ABR: variants seen among roughly 807,000 people sequenced by gnomAD.
ABR encodes active breakpoint cluster region-related protein.
In ABR, 35 loss-of-function variants were observed where a neutral mutation model predicts 107.2. The ratio of observed to expected loss-of-function variants is 0.33; its 90% CI spans 0.25 to 0.43. ABR has a LOEUF of 0.43. Ranked by LOEUF, ABR falls within the 20% of genes least tolerant of loss-of-function variation. The pLI, the probability that ABR is intolerant of heterozygous loss-of-function variation, is 1.00. For missense variants in ABR, 815 were observed against 1,115.2 expected (o/e 0.73, Z 3.83); for synonymous variants, 498 against 462.0 (o/e 1.08, Z -1.00).
upstream of ABR, among the ~76,000 whole-genome samples, chr17:1,180,916 CCAGGGGGGTCCAGGG>C (rs2042113379): frequency 6.6e-6 from 1 of 152,156 alleles, no homozygotes; most frequent in Non-Finnish European, 1.5e-5. Context: ...GGGAGTCAGG[CCAGGGGGGTCCAGGG>C]CAGTGGGGCT....
upstream of ABR, among the ~76,000 whole-genome samples, chr17:1,184,478 G>C (rs1230054542): frequency 2.0e-5 from 3 of 152,066 alleles, no homozygotes; most frequent in Non-Finnish European, 4.4e-5. Context: ...AAAAAACCAG[G>C]ACTGCATCTT....
intron 3 of ABR, among the ~76,000 whole-genome samples, chr17:1,097,342 G>C (rs2037536676): frequency 6.6e-6 from 1 of 152,150 alleles, no homozygotes; most frequent in Non-Finnish European, 1.5e-5. Flanking sequence ...TGTAATCCCA[G>C]CACTTTGGGA....
At position 1,012,713 on chromosome 17, in the gene ABR, C is replaced by A; in HGVS notation, c.1936G>T (p.Gly646Cys). The A allele has an allele frequency of 6.3e-7, 1 of 1,589,846 alleles. No individual in the cohort carries two copies. The highest frequency in any genetic ancestry group is 8.6e-7 in the Non-Finnish European group (1 of 1,167,034). ...TTCGTCACCACGCTGATCTTCACACCGAAGACGCCGGTCTGCTTTTTGGAC... is the reference window on the plus strand; with the variant it reads ...TTCGTCACCACGCTGATCTTCACACAGAAGACGCCGGTCTGCTTTTTGGAC... Reference protein sequence around the residue: ...TPSKKQTGVFGVKISVVTKRE... With the variant: ...TPSKKQTGVFCVKISVVTKRE... The change falls in exon 18 of 23, where the codon GGT becomes TGT. Residue 646 changes from glycine (G) to cysteine (C), a missense_variant. By Grantham distance (159) the Gly-to-Cys change is radical. This residue lies in a region of ABR where 175 missense variants were observed against 284.3 expected (regional missense o/e 0.62). Transcript: ENST00000302538.
rs1180976195 is a variant in ABR, at chr17:1,062,270, T to C, written c.1183-3403A>G. On this transcript the variant is annotated intron_variant, in intron 10 of 22. Transcript: ENST00000302538. Reference sequence around the variant, plus strand: ...GAACTGAGGGCTATGCATGTTCCTCTAGACACTGTTGTTATGTGAACTGAG... The same window carrying C: ...GAACTGAGGGCTATGCATGTTCCTCCAGACACTGTTGTTATGTGAACTGAG... 1.0e-2 allele frequency among the ~76,000 whole-genome samples: 1,322 copies of C among 132,772 alleles called. 1 individual carries two copies. Among genetic ancestry groups the C allele is most frequent in the South Asian group, 0.014 (55 of 4,012 alleles). The allele number at this position is 132,772 out of a possible 152,430, so 87.1% of individuals were successfully genotyped here.
intron 1 of ABR, among the ~76,000 whole-genome samples, chr17:1,170,009 G>T (rs8068519): frequency 0.72 from 92,658 of 128,854 alleles, 34,331 homozygotes; most frequent in Non-Finnish European, 0.83. Flanking sequence ...TGTGTGTGTG[G>T]GGGGGGGGTG....
At chr17:1,056,912 ATGTC>A in intron 13 of ABR, 82 bp downstream of exon 13, 7 of 875,706 alleles carry the variant, frequency 8.0e-6, no homozygotes, top group East Asian at 2.6e-5. Context: ...TTACAGCCAC[ATGTC>A]TGTCTGAGTC....
chr17:1,190,404 C>T (rs547398330), upstream of ABR, among the ~76,000 whole-genome samples: 7 of 152,258 alleles, frequency 4.6e-5, no homozygotes, highest in Admixed American at 1.3e-4. Flanking sequence ...GAGGCCGAGG[C>T]GGGTGGATCA....
chr17:1,044,326 G>A (rs1044968247), intron 16 of ABR, among the ~76,000 whole-genome samples: 14 of 152,186 alleles, frequency 9.2e-5, no homozygotes, highest in African/African-American at 2.7e-4. Context: ...CCTTCTCTCC[G>A]GAAAACAGGA....
At chr17:1,223,909 A>G (rs2043167447) in intron 1 of ABR, among the ~76,000 whole-genome samples, 1 of 152,098 alleles carries the variant, frequency 6.6e-6, no homozygotes, top group Non-Finnish European at 1.5e-5. Context: ...CCCTCCCTCG[A>G]CACGTGGGGA....
intron 16 of ABR, among the ~76,000 whole-genome samples, chr17:1,017,997 G>C (rs2071293924): frequency 6.6e-6 from 1 of 151,974 alleles, no homozygotes; most frequent in Admixed American, 6.6e-5. Context: ...GCCTCCTGAA[G>C]AGCTGGCATT....
chr17:1,048,723 G>T (rs894105658), intron 16 of ABR, among the ~76,000 whole-genome samples: 2 of 148,226 alleles, frequency 1.3e-5, no homozygotes, highest in South Asian at 4.3e-4. Flanking sequence ...GCCCAGCTGC[G>T]CCTGGATCAC....
chr17:1,182,743 G>A (rs528570083), upstream of ABR, among the ~76,000 whole-genome samples: 18 of 152,316 alleles, frequency 1.2e-4, no homozygotes, highest in Non-Finnish European at 2.4e-4. Flanking sequence ...AAGGTCCTGA[G>A]AAATCTCTGC....
chr17:1,065,623 C>T (rs965619465), intron 10 of ABR, among the ~76,000 whole-genome samples: 50 of 151,668 alleles, frequency 3.3e-4, no homozygotes, highest in African/African-American at 1.2e-3. Flanking sequence ...ACTTTGGCTG[C>T]ATCCATGGGT....
At chr17:1,062,444 G>GA (rs200341403) in intron 10 of ABR, among the ~76,000 whole-genome samples, 3 of 134,442 alleles carry the variant, frequency 2.2e-5, no homozygotes, top group Admixed American at 7.6e-5. Context: ...TGTTCCTCTA[G>GA]CACTGCTGTT....
upstream of ABR, among the ~76,000 whole-genome samples, chr17:1,187,515 C>T (rs976246394): frequency 2.0e-5 from 3 of 152,188 alleles, no homozygotes; most frequent in East Asian, 3.9e-4. Context: ...GGAGGAGCTC[C>T]GTCTGGGAAG....
chr17:1,180,255 C>G (rs2042089996), upstream of ABR, among the ~76,000 whole-genome samples: 2 of 152,126 alleles, frequency 1.3e-5, no homozygotes, highest in Middle Eastern at 3.4e-3. Flanking sequence ...CCTGGCGATC[C>G]GCAAACCAGG....
chr17:1,010,714 C>G lies in ABR; in HGVS notation c.2236+15G>C. Reference sequence around the variant, plus strand: ...GTCTGGCCCAGCCCAGTCCTAGGAGCCCTCAGGGCCTCACCGATGCCCTCC... The same window carrying G: ...GTCTGGCCCAGCCCAGTCCTAGGAGGCCTCAGGGCCTCACCGATGCCCTCC... On this transcript the variant is annotated intron_variant, in intron 20 of 22. Coordinates refer to ENST00000302538, the MANE Select transcript of ABR (RefSeq NM_021962.5). The surrounding 1 kb of genome is among the most constrained non-coding windows in gnomAD (Gnocchi z 4.1). 1 of 1,612,760 alleles carries G rather than the reference C, an allele frequency of 6.2e-7. No homozygotes were observed. Among genetic ancestry groups the G allele is most frequent in the Non-Finnish European group, 8.5e-7 (1 of 1,179,764 alleles).
At chr17:1,221,719 G>A (rs980269309) in intron 1 of ABR, among the ~76,000 whole-genome samples, 2 of 152,172 alleles carry the variant, frequency 1.3e-5, no homozygotes, top group Non-Finnish European at 2.9e-5. Context: ...AAAGACGCCG[G>A]ATGGAATGAG....
At chr17:1,104,525 G>T (rs2038117116) in intron 2 of ABR, among the ~76,000 whole-genome samples, 1 of 152,168 alleles carries the variant, frequency 6.6e-6, no homozygotes, top group South Asian at 2.1e-4. Context: ...CAGTTCACGG[G>T]CCACAGCTGG....
Sources: allele counts gnomAD v4.1 joint callset (sites outside exome capture counted in the v4.1 genomes callset), GRCh38; gene constraint gnomAD v4.1.1; regional missense constraint gnomAD v4.1.1; non-coding constraint Gnocchi (gnomAD v3.1); transcripts MANE v1.5; gene names NCBI Gene and HGNC (gene_info 2026-07-23, HGNC 2026-07-21).